ANKRD60: variants seen among roughly 807,000 people sequenced by gnomAD.
The protein encoded by ANKRD60 is ankyrin repeat domain 60, also known as ankyrin repeat domain-containing protein 60.
Under a neutral mutation model 21.3 loss-of-function variants are expected in ANKRD60, and 24 were observed. That is an observed-to-expected ratio of 1.13 (90% CI 0.82 to 1.59). ANKRD60 has a LOEUF of 1.59. Among genes scored for constraint, ANKRD60 ranks in the 40% most tolerant of loss-of-function variants. The pLI is 0.00. For synonymous variants in ANKRD60, 182 were observed against 199.4 expected (o/e 0.91, Z 0.74); for missense variants, 490 against 466.7 (o/e 1.05, Z -0.46).
intron 3 of ANKRD60, among the ~76,000 whole-genome samples, chr20:58,220,047 GA>G (rs1984214316): frequency 6.6e-6 from 1 of 152,220 alleles, no homozygotes; most frequent in Non-Finnish European, 1.5e-5. Flanking sequence ...GGAAGTCCAA[GA>G]TGTTTTCCAC....
intron 3 of ANKRD60, among the ~76,000 whole-genome samples, chr20:58,220,489 CAG>C (rs11469843): frequency 0.5 from 72,500 of 144,040 alleles, 17,729 homozygotes; most frequent in East Asian, 0.58. Context: ...TCAAGAGAGC[CAG>C]AGAGAGAGAG....
Position 58,228,433 on chromosome 20 carries a change from T to A in ANKRD60, c.221A>T (p.Gln74Leu), listed in dbSNP as rs1269506644. ...GGCCTTCGGGTCACAGACGAGCCGC[T>A]GGCTCCGGCCGCGGGCACAGGCCAG... The change falls in exon 1 of 4, where the codon CAG becomes CTG. Residue 74 changes from glutamine to leucine, a missense_variant. Physicochemically the swap from Gln to Leu is moderately radical, Grantham distance 113 (BLOSUM62 -2). Coordinates refer to ENST00000457363, the Ensembl canonical transcript of ANKRD60. The surrounding 1 kb of genome is among the most constrained non-coding windows in gnomAD (Gnocchi z 5.3). 3 of 1,541,854 alleles carry A rather than the reference T, an allele frequency of 1.9e-6. No individual in the cohort carries two copies.
At chr20:58,216,139 C>G (rs1984130870), downstream of ANKRD60, among the ~76,000 whole-genome samples, 1 of 152,178 alleles carries the variant, frequency 6.6e-6, no homozygotes, top group Non-Finnish European at 1.5e-5. Flanking sequence ...TTCTATGGCT[C>G]TGGATATATT....
At chr20:58,227,846 A>T (rs1038718648) in intron 1 of ANKRD60, among the ~76,000 whole-genome samples, 5 of 151,778 alleles carry the variant, frequency 3.3e-5, no homozygotes, top group Non-Finnish European at 5.9e-5. Context: ...TGGCTTTGGG[A>T]CCTGGGTTCC....
In ANKRD60 at chr20:58,228,325, G is replaced by C. The variant is rs1172044963; in HGVS notation, c.329C>G (p.Ala110Gly). The change falls in exon 1 of 4, where the codon GCA becomes GGA. Residue 110 changes from alanine to glycine, a missense_variant. By Grantham distance (60) the Ala-to-Gly change is moderately conservative. Transcript: ENST00000457363. This position sits in a 1 kb window ranked among gnomAD's most constrained non-coding sequence, Gnocchi z 5.3. ...CACGGTCATGTCGCCGCGGCAGTTT[G>C]CCACTCGGAACATCTCCCCCGTCTC... The C allele has an allele frequency of 6.4e-7, 1 of 1,551,220 alleles. No homozygotes were observed. The highest frequency in any genetic ancestry group is 8.7e-7 in the Non-Finnish European group (1 of 1,146,946).
At chr20:58,221,689 T>G (rs1369392032) in intron 2 of ANKRD60, among the ~76,000 whole-genome samples, 186 bp from the exon 3 acceptor site, 1 of 152,130 alleles carries the variant, frequency 6.6e-6, no homozygotes, top group East Asian at 1.9e-4. Context: ...GAGGCCATGA[T>G]TTAATGCTTT....
chr20:58,219,442 G>A lies in ANKRD60; in HGVS notation c.728-637C>T, dbSNP rs75200856. ...AGAAAATACACACATCTGGCTTGTT[G>A]CTGTTCTCATCCCGAGCACATAGCT... On this transcript the variant is annotated intron_variant, in intron 3 of 3. Transcript: ENST00000457363. Among the ~76,000 whole-genome samples, 1,024 of 152,234 alleles carry A rather than the reference G, an allele frequency of 6.7e-3. 19 individuals are homozygous for A. The highest frequency in any genetic ancestry group is 0.023 in the African/African-American group (951 of 41,510).
At position 58,218,495 on chromosome 20, in the gene ANKRD60, C is replaced by A; in HGVS notation, c.1038G>T (p.Ter346TyrextTer?). The change falls in exon 4 of 4, where the codon TAG (stop) becomes TAT (tyrosine). Residue 346 changes from the stop codon to tyrosine, a stop_lost. Coordinates refer to ENST00000457363, the Ensembl canonical transcript of ANKRD60. ...AGCGGGCAAACGTTCCCACCAGGAG[C>A]TAATGAGGGGTCATCGTCATCTTCT... The A allele has an allele frequency of 1.3e-6, 2 of 1,547,640 alleles. 1 individual carries two copies. Among genetic ancestry groups the A allele is most frequent in the South Asian group, 2.4e-5 (2 of 83,780 alleles).
chr20:58,217,711 A>C (rs570300569), downstream of ANKRD60, among the ~76,000 whole-genome samples: 35 of 152,150 alleles, frequency 2.3e-4, no homozygotes, highest in Admixed American at 5.9e-4. Context: ...GAGCATAGAC[A>C]CTCCAAGGTG....
At chr20:58,225,429 GC>G (rs1232019717) in intron 1 of ANKRD60, among the ~76,000 whole-genome samples, 2 of 152,162 alleles carry the variant, frequency 1.3e-5, no homozygotes, top group Non-Finnish European at 2.9e-5. Context: ...CCTCAAAAAT[GC>G]TCGAGAGCAT....
At chr20:58,218,143 ATTG>A (rs1163490734), downstream of ANKRD60, among the ~76,000 whole-genome samples, 1 of 152,104 alleles carries the variant, frequency 6.6e-6, no homozygotes, top group Non-Finnish European at 1.5e-5. Flanking sequence ...TATTATCATT[ATTG>A]TTATTACTCC....
chr20:58,217,894 C>T (rs146454744), downstream of ANKRD60, among the ~76,000 whole-genome samples: 74 of 152,238 alleles, frequency 4.9e-4, no homozygotes, highest in African/African-American at 1.7e-3. Context: ...AACGTGTTAC[C>T]TTTCAACAAG....
chr20:58,228,519 A>C lies in ANKRD60; in HGVS notation c.135T>G (p.Ala45=). 7.4e-7 allele frequency: 1 copy of C among 1,354,254 alleles called. No individual in the cohort carries two copies. The highest frequency in any genetic ancestry group is 9.4e-7 in the Non-Finnish European group (1 of 1,058,930). 83.9% of individuals were successfully genotyped at this position (1,354,254 alleles called of 1,614,324 possible). The change falls in exon 1 of 4, where the codon GCT becomes GCG. Residue 45 remains alanine (A), a synonymous_variant. Transcript: ENST00000457363. The surrounding 1 kb of genome is among the most constrained non-coding windows in gnomAD (Gnocchi z 5.3). ...CCACCCTGGGCCCGCCGCACCCCTG[A>C]GCCCCGGCCCGCGCACCGCTCCTGC...
At chr20:58,218,602 T>G (rs1984180218) in exon 4 of ANKRD60, 1 of 1,551,792 alleles carries the variant, frequency 6.4e-7, no homozygotes, top group South Asian at 1.2e-5. Flanking sequence ...GACTTTGCTA[T>G]CCGGTGGAGG....
chr20:58,227,498 G>C (rs1189734805), intron 1 of ANKRD60, among the ~76,000 whole-genome samples: 1 of 152,142 alleles, frequency 6.6e-6, no homozygotes, highest in Non-Finnish European at 1.5e-5. Flanking sequence ...GGTGGTCAAG[G>C]TTTGTTCAAG....
intron 1 of ANKRD60, among the ~76,000 whole-genome samples, chr20:58,226,730 T>C (rs1984370843): frequency 6.6e-6 from 1 of 152,086 alleles, no homozygotes; most frequent in South Asian, 2.1e-4. Flanking sequence ...GGAGCCCTTA[T>C]GAAGATACTT....
downstream of ANKRD60, chr20:58,218,387 G>C (rs976546935): frequency 5.5e-6 from 6 of 1,081,778 alleles, no homozygotes; most frequent in Non-Finnish European, 6.6e-6. Flanking sequence ...TCTGATTCAG[G>C]TTAATTGCCC....
At chr20:58,226,911 T>C (rs1984375686) in intron 1 of ANKRD60, among the ~76,000 whole-genome samples, 1 of 151,942 alleles carries the variant, frequency 6.6e-6, no homozygotes, top group East Asian at 1.9e-4. Flanking sequence ...GATGCACAAA[T>C]GGTTAGTTGG....
intron 2 of ANKRD60, among the ~76,000 whole-genome samples, chr20:58,222,347 G>A (rs571463710): frequency 1.1e-4 from 16 of 152,130 alleles, no homozygotes; most frequent in Middle Eastern, 3.4e-3. Flanking sequence ...CCGAGCCCAC[G>A]CACTCTTCCA....
Sources: allele counts gnomAD v4.1 joint callset (sites outside exome capture counted in the v4.1 genomes callset), GRCh38; gene constraint gnomAD v4.1.1; non-coding constraint Gnocchi (gnomAD v3.1); transcripts MANE v1.5; gene names NCBI Gene and HGNC (gene_info 2026-07-23, HGNC 2026-07-21).